TBL2: variants seen among roughly 807,000 people sequenced by gnomAD.
The protein encoded by TBL2 is transducin beta-like protein 2.
Under a neutral mutation model 41.8 loss-of-function variants are expected in TBL2, and 33 were observed. That is an observed-to-expected ratio of 0.79 (90% confidence interval 0.60 to 1.06). TBL2 has a LOEUF of 1.06. Among genes scored for constraint, TBL2 ranks in the 50% least tolerant of loss-of-function variants. TBL2 has a pLI of 0.00. For synonymous variants in TBL2, 239 were observed against 241.7 expected (o/e 0.99, Z 0.10); for missense variants, 522 against 603.8 (o/e 0.86, Z 1.42).
At chr7:73,572,744 G>T in intron 5 of TBL2, 100 bp downstream of exon 5, 2 of 1,552,728 alleles carry the variant, frequency 1.3e-6, no homozygotes, top group Non-Finnish European at 8.8e-7. Context: ...ACCCCACCCC[G>T]TATGCTCTTC....
chr7:73,568,346 G>C lies in TBL2; in HGVS notation c.*2161C>G, dbSNP rs1792727971. Among the ~76,000 whole-genome samples, 4 of 152,142 alleles carry C rather than the reference G, an allele frequency of 2.6e-5. No individual in the cohort carries two copies. Among genetic ancestry groups the C allele is most frequent in the African/African-American group, 9.7e-5 (4 of 41,446 alleles). ...AGTGGACTGCATCGGGCCGACCTTA[G>C]TGTTTTGTTTGGTCCAGATAGTGTT... On this transcript the variant is annotated 3_prime_UTR_variant, in exon 7 of 7. Transcript: ENST00000305632.
In TBL2 at chr7:73,573,348, A is replaced by G. The variant is rs782704128; in HGVS notation, c.570T>C (p.Pro190=). 1 of 1,614,142 alleles carries G rather than the reference A, an allele frequency of 6.2e-7. No homozygotes were observed. Among genetic ancestry groups the G allele is most frequent in the South Asian group, 1.1e-5 (1 of 91,086 alleles). ...TGTTAGCAATGCCAATGTCGATGAC[A>G]GGCGCCTTGTGCTTTTTAGGGAAGT... ...PEDFPKKHKA[P]VIDIGIANTG... The change falls in exon 4 of 7, where the codon CCT becomes CCC. Residue 190 remains proline, a synonymous_variant. Coordinates refer to ENST00000305632, the MANE Select transcript of TBL2 (RefSeq NM_012453.4).
intron 3 of TBL2, 169 bp downstream of exon 3, chr7:73,573,769 G>C: frequency 1.2e-6 from 1 of 850,028 alleles, no homozygotes; most frequent in Non-Finnish European, 1.8e-6. Context: ...TAGCAGCCCA[G>C]ATCTCCAGGG....
Position 73,574,525 on chromosome 7 carries a change from G to T in TBL2, c.131-12C>A. 6.2e-7 allele frequency: 1 copy of T among 1,614,174 alleles called. No individual in the cohort carries two copies. The highest frequency in any genetic ancestry group is 1.3e-5 in the African/African-American group (1 of 75,046). ...ATTTGCTTTTTGGCCTATAAGGAAGGGCCATGTTGTTCTCCAGTTACTCAC... is the reference window on the plus strand; with the variant it reads ...ATTTGCTTTTTGGCCTATAAGGAAGTGCCATGTTGTTCTCCAGTTACTCAC... On this transcript the variant is annotated splice_polypyrimidine_tract_variant and intron_variant, in intron 1 of 6. Coordinates refer to ENST00000305632, the MANE Select transcript of TBL2 (RefSeq NM_012453.4).
Position 73,572,833 on chromosome 7 carries a change from T to TC in TBL2, c.725+10dup, listed in dbSNP as rs1793045968. 1 of 1,613,908 alleles carries TC rather than the reference T, an allele frequency of 6.2e-7. No homozygotes were observed. The highest frequency in any genetic ancestry group is 2.2e-5 in the East Asian group (1 of 44,872). ...TCGTGGTCCCAGACGCCAATACCCC[T>TC]CCTTGCCCACCTGCCACAGGGAGAT... On this transcript the variant is annotated intron_variant, in intron 5 of 6. Coordinates refer to ENST00000305632, the MANE Select transcript of TBL2 (RefSeq NM_012453.4).
chr7:73,570,220 C>T lies in TBL2; in HGVS notation c.*287G>A. 1 of 350,020 alleles carries T rather than the reference C, an allele frequency of 2.9e-6. No homozygotes were observed. Among genetic ancestry groups the T allele is most frequent in the Non-Finnish European group, 5.1e-6 (1 of 194,778 alleles). 21.7% of individuals were successfully genotyped at this position (350,020 alleles called of 1,614,324 possible). A position where few individuals can be genotyped will look rare whatever the true frequency, so the allele number is the denominator to read the frequency against. On this transcript the variant is annotated 3_prime_UTR_variant, in exon 7 of 7. Transcript: ENST00000305632. ...CAAAAATCACATTCTCTCTCTCTCT[C>T]CTCTCCTCTCTACCATTCTCCTCAG... is the stretch of plus-strand genomic sequence containing the variant.
intron 2 of TBL2, 100 bp from the exon 3 acceptor site, chr7:73,574,222 C>T: frequency 6.5e-7 from 1 of 1,541,198 alleles, no homozygotes; most frequent in Non-Finnish European, 8.8e-7. Flanking sequence ...CCTGGATTAA[C>T]AGCAAGCTGA....
At position 73,571,227 on chromosome 7, in the gene TBL2, C is replaced by T. The variant is rs190733739; in HGVS notation, c.840G>A (p.Ala280=). 6.2e-6 allele frequency: 10 copies of T among 1,614,244 alleles called. No homozygotes were observed. Among genetic ancestry groups the T allele is most frequent in the East Asian group, 4.5e-5 (2 of 44,890 alleles). The part of the protein sequence containing the change: ...VRAFELKGHS[A]AVHSFAFSND... Reference sequence around the variant, plus strand: ...TGGAGAAAGCAAACGAGTGCACAGCCGCGGAGTGGCCCTTTAGTTCGAAGG... The same window carrying T: ...TGGAGAAAGCAAACGAGTGCACAGCTGCGGAGTGGCCCTTTAGTTCGAAGG... Residue 280 remains alanine (A), a synonymous_variant, in exon 6 of 7, where the codon GCG becomes GCA. Coordinates refer to ENST00000305632, the MANE Select transcript of TBL2 (RefSeq NM_012453.4).
At chr7:73,575,518 C>G (rs890185164) in intron 1 of TBL2, among the ~76,000 whole-genome samples, 5 of 152,314 alleles carry the variant, frequency 3.3e-5, no homozygotes, top group Admixed American at 3.3e-4. Flanking sequence ...TGGTCTCAAT[C>G]TCCTGACCTT....
In TBL2 at chr7:73,570,572, TCTGGCGGGTGCTCTCGTTGGAGGCCCG is replaced by T; in HGVS notation, c.1252_1278del (p.Ala419_Arg427del). ...GCCTGGGTCAGCTGCTGCTGCAGCC[TCTGGCGGGTGCTCTCGTTGGAGGCCCG>T]CTTCAGGTGGCCCTGCATCTCCTCC... On this transcript the variant is annotated inframe_deletion, in exon 7 of 7. Transcript: ENST00000305632. 1 of 1,608,928 alleles carries T rather than the reference TCTGGCGGGTGCTCTCGTTGGAGGCCCG, an allele frequency of 6.2e-7. No homozygotes were observed. The highest frequency in any genetic ancestry group is 8.5e-7 in the Non-Finnish European group (1 of 1,177,886).
chr7:73,573,181 G>A (rs113617506), intron 4 of TBL2, 139 bp downstream of exon 4: 4 of 1,415,820 alleles, frequency 2.8e-6, no homozygotes, highest in South Asian at 2.7e-5. Flanking sequence ...GGAGCACAGA[G>A]CCAGGCTGTT....
intron 1 of TBL2, among the ~76,000 whole-genome samples, chr7:73,575,451 C>T (rs1304858351): frequency 5.9e-5 from 9 of 152,214 alleles, no homozygotes; most frequent in South Asian, 2.1e-4. Context: ...CCACCATGCC[C>T]GGCTAATTTT....
Position 73,574,420 on chromosome 7 carries a change from T to C in TBL2, c.224A>G (p.His75Arg), listed in dbSNP as rs782319984. 8 of 1,613,838 alleles carry C rather than the reference T, an allele frequency of 5.0e-6. No individual in the cohort carries two copies. The Admixed American group carries it at 1.2e-4, about 24-fold the overall frequency. Residue 75 changes from histidine to arginine, a missense_variant, in exon 2 of 7, where the codon CAC becomes CGC. His to Arg is a conservative substitution (Grantham distance 29). Transcript: ENST00000305632. ...AGCCAGGAGGCGGTGGGTGAAGTTG[T>C]GTTGTTGAGGCTTCTCCTTCCGAAT... ...QRIRKEKPQQ[H>R]NFTHRLLAAA... is the part of the protein sequence containing the mutation.
At chr7:73,578,258 G>T in intron 1 of TBL2, 162 bp downstream of exon 1, 1 of 1,533,028 alleles carries the variant, frequency 6.5e-7, no homozygotes, top group Non-Finnish European at 8.7e-7. Flanking sequence ...GGCAAGGCGG[G>T]TCCCCGTCTC....
intron 2 of TBL2, 40 bp from the exon 3 acceptor site, chr7:73,574,162 G>C (rs1177880067): frequency 6.2e-7 from 1 of 1,603,024 alleles, no homozygotes; most frequent in East Asian, 2.2e-5. Flanking sequence ...AGGAGCTCCT[G>C]GGGGAGATGG....
Sources: allele counts gnomAD v4.1 joint callset (sites outside exome capture counted in the v4.1 genomes callset), GRCh38; gene constraint gnomAD v4.1.1; transcripts MANE v1.5; gene names NCBI Gene and HGNC (gene_info 2026-07-23, HGNC 2026-07-21).